The following ZSWIM3 variants were observed in gnomAD, a reference collection of about 807,000 sequenced individuals.
ZSWIM3 encodes the protein zinc finger SWIM domain-containing protein 3.
ZSWIM3 carries 27 observed loss-of-function variants against 47.5 expected under a neutral mutation model. The observed-to-expected ratio is 0.57, with a 90% CI of 0.42 to 0.78. The LOEUF (loss-of-function observed/expected upper bound fraction) is 0.78. Ranked by LOEUF, ZSWIM3 falls within the 30% of genes least tolerant of loss-of-function variation. ZSWIM3 has a pLI of 0.00. For missense variants in ZSWIM3, 689 were observed against 861.3 expected (o/e 0.80, Z 2.50); for synonymous variants, 333 against 333.9 (o/e 1.00, Z 0.03).
rs765560893 is a variant in ZSWIM3 at position 45,859,792 on chromosome 20, CAAAAAAA to C, written c.155+1830_155+1836del. Among the ~76,000 whole-genome samples the C allele has an allele frequency of 1.9e-4, 10 of 52,098 alleles. No homozygotes were observed. The East Asian group carries it at 2.0e-3, about 11-fold the overall frequency. The allele number at this position is 52,098 out of a possible 152,430, so 34.2% of individuals were successfully genotyped here. A position where few individuals can be genotyped will look rare whatever the true frequency, so the allele number is the denominator to read the frequency against. The stretch of plus-strand genomic sequence containing the variant: ...ACCTTGCTAAGCAATGAGAGGAATA[CAAAAAAA>C]AAAAAAAAAAAAAAAAACCACAGTT... On this transcript the variant is annotated intron_variant, in intron 1 of 1. Transcript: ENST00000255152.
chr20:45,877,520 G>C lies in ZSWIM3; in HGVS notation c.962G>C (p.Ser321Thr), dbSNP rs768897446. The C allele has an allele frequency of 6.2e-7, 1 of 1,614,182 alleles. No homozygotes were observed. The highest frequency in any genetic ancestry group is 8.5e-7 in the Non-Finnish European group (1 of 1,180,038). The change falls in exon 2 of 2, where the codon AGT (serine) becomes ACT (threonine). Residue 321 changes from serine to threonine, a missense_variant. By Grantham distance (58) the Ser-to-Thr change is moderately conservative. Transcript: ENST00000255152. ...TRLLEKKLHR[S>T]SANPSFKRLM... is the part of the protein sequence containing the mutation. ...CTCTTGGAGAAGAAGTTGCATCGTAGTTCAGCAAATCCATCCTTTAAAAGG... is the reference window on the plus strand; with the variant it reads ...CTCTTGGAGAAGAAGTTGCATCGTACTTCAGCAAATCCATCCTTTAAAAGG...
Position 45,877,398 on chromosome 20 carries a change from G to T in ZSWIM3, c.840G>T (p.Lys280Asn). The change falls in exon 2 of 2, where the codon AAG becomes AAT. Residue 280 changes from lysine (K) to asparagine (N), a missense_variant. Lys to Asn is a moderately conservative substitution (Grantham distance 94). Transcript: ENST00000255152. Reference sequence around the variant, plus strand: ...TCAACTCCGATTGGCCCAAGGTCAAGGTGGTCTTTGTGGACCCTTCATTCC... The same window carrying T: ...TCAACTCCGATTGGCCCAAGGTCAATGTGGTCTTTGTGGACCCTTCATTCC... Reference protein sequence around the residue: ...TEFNSDWPKVKVVFVDPSFHY... With the variant: ...TEFNSDWPKVNVVFVDPSFHY... 3.7e-6 allele frequency: 6 copies of T among 1,614,212 alleles called. No individual in the cohort carries two copies. The highest frequency in any genetic ancestry group is 5.1e-6 in the Non-Finnish European group (6 of 1,180,046).
In ZSWIM3 at chr20:45,878,866, A is replaced by T. The variant is rs1443092669; in HGVS notation, c.*217A>T. The stretch of plus-strand genomic sequence containing the variant: ...ACTTTTGGCATTCCTTGGGAGCCTC[A>T]GTTGTTGTTCAAGGCCAAAGTTATC... On this transcript the variant is annotated 3_prime_UTR_variant, in exon 2 of 2. Coordinates refer to ENST00000255152, the MANE Select transcript of ZSWIM3 (RefSeq NM_080752.4). The T allele has an allele frequency of 1.6e-6, 1 of 614,078 alleles. No individual in the cohort carries two copies. The highest frequency in any genetic ancestry group is 1.8e-5 in the African/African-American group (1 of 54,192). The allele number at this position is 614,078 out of a possible 1,614,324, so 38.0% of individuals were successfully genotyped here. A position where few individuals can be genotyped will look rare whatever the true frequency, so the allele number is the denominator to read the frequency against.
At position 45,857,764 on chromosome 20, in the gene ZSWIM3, C is replaced by A; in HGVS notation, c.-62C>A. On this transcript the variant is annotated 5_prime_UTR_variant, in exon 1 of 2. Coordinates refer to ENST00000255152, the MANE Select transcript of ZSWIM3 (RefSeq NM_080752.4). ...TAAACCCTCATAGTGTGACCTTTGACCCCTGGTGTGATCTTGGGCCCGGGC... is the reference window on the plus strand; with the variant it reads ...TAAACCCTCATAGTGTGACCTTTGAACCCTGGTGTGATCTTGGGCCCGGGC... 1.3e-6 allele frequency: 2 copies of A among 1,585,868 alleles called. No homozygotes were observed. The highest frequency in any genetic ancestry group is 1.7e-6 in the Non-Finnish European group (2 of 1,162,990).
intron 1 of ZSWIM3, among the ~76,000 whole-genome samples, chr20:45,876,109 C>A (rs1986085545): frequency 6.6e-6 from 1 of 151,802 alleles, no homozygotes; most frequent in Non-Finnish European, 1.5e-5. Flanking sequence ...ATGGCGCGAT[C>A]TCAGCTCACT....
In ZSWIM3 at chr20:45,877,167, C is replaced by T. The variant is rs767620026; in HGVS notation, c.609C>T (p.Leu203=). The T allele has an allele frequency of 3.7e-6, 6 of 1,614,162 alleles. No individual in the cohort carries two copies. The highest frequency in any genetic ancestry group is 1.6e-4 in the Middle Eastern group (1 of 6,062). ...GTGACAGCCAGCACCTGGACCGGCT[C>T]AGCTTCCAGAGCAGTAAGATGACCG... ...SVGDSQHLDR[L]SFQSSKMTDL... The change falls in exon 2 of 2, where the codon CTC becomes CTT. Residue 203 remains leucine (L), a synonymous_variant. Transcript: ENST00000255152.
Position 45,867,993 on chromosome 20 carries a change from A to G in ZSWIM3, c.156-8721A>G, listed in dbSNP as rs117673807. On this transcript the variant is annotated intron_variant, in intron 1 of 1. Coordinates refer to ENST00000255152, the MANE Select transcript of ZSWIM3 (RefSeq NM_080752.4). ...TATATAGAAAAGCAAAAGTCATCACACAAGAATCTTGCTAACAAACTACTT... is the reference window on the plus strand; with the variant it reads ...TATATAGAAAAGCAAAAGTCATCACGCAAGAATCTTGCTAACAAACTACTT... Among the ~76,000 whole-genome samples the G allele has an allele frequency of 7.0e-3, 1,062 of 152,336 alleles. 14 individuals carry two copies. The highest frequency in any genetic ancestry group is 0.011 in the Non-Finnish European group (723 of 68,042).
chr20:45,872,759 G>A, intron 1 of ZSWIM3: 1 of 1,289,378 alleles, frequency 7.8e-7, no homozygotes, highest in Non-Finnish European at 1.0e-6. Flanking sequence ...CTGTACTACT[G>A]GACTGCTCCA....
In ZSWIM3 at chr20:45,877,107, G is replaced by GGT. The variant is rs1568749604; in HGVS notation, c.550_551dup (p.Asp185Ter). 1.9e-6 allele frequency: 3 copies of GGT among 1,614,202 alleles called. No homozygotes were observed. In the Admixed American group the frequency reaches 5.0e-5, roughly 27 times the overall value. ...CAAAAGTGATGAAGAACTTTCTTAAGGTAGATGAGGGTTCCATGGCTTCCT... is the reference window on the plus strand; with the variant it reads ...CAAAAGTGATGAAGAACTTTCTTAAGGTGTAGATGAGGGTTCCATGGCTTCCT... On this transcript the variant is annotated frameshift_variant, in exon 2 of 2. Coordinates refer to ENST00000255152, the MANE Select transcript of ZSWIM3 (RefSeq NM_080752.4). LOFTEE classifies it high-confidence loss of function.
intron 1 of ZSWIM3, among the ~76,000 whole-genome samples, chr20:45,876,307 A>C (rs1986091114): frequency 6.6e-6 from 1 of 150,406 alleles, no homozygotes; most frequent in Non-Finnish European, 1.5e-5. Flanking sequence ...GGTCTCCCAA[A>C]GTGCTGGGAT....
At chr20:45,874,233 C>T (rs1265361109) in intron 1 of ZSWIM3, among the ~76,000 whole-genome samples, 2 of 152,108 alleles carry the variant, frequency 1.3e-5, no homozygotes, top group African/African-American at 2.4e-5. Context: ...AGAAAGAGGC[C>T]GAGGGCGGTG....
At chr20:45,861,517 T>C (rs1295507506) in intron 1 of ZSWIM3, among the ~76,000 whole-genome samples, 4 of 152,000 alleles carry the variant, frequency 2.6e-5, no homozygotes, top group Admixed American at 2.6e-4. Flanking sequence ...GAAGGATTTA[T>C]GCTGGAGCAG....
chr20:45,864,327 A>G (rs1208241430), intron 1 of ZSWIM3, among the ~76,000 whole-genome samples: 1 of 152,028 alleles, frequency 6.6e-6, no homozygotes, highest in East Asian at 1.9e-4. Context: ...ACATTCTTGG[A>G]TCATTTATTG....
Position 45,877,613 on chromosome 20 carries a change from A to C in ZSWIM3, c.1055A>C (p.Gln352Pro). The stretch of plus-strand genomic sequence containing the variant: ...GAAGCCAGCCTGAAAAATCTCTGCC[A>C]GATGTCCCAGGCCGTACTGGATGAG... ...TSEASLKNLC[Q>P]MSQAVLDEDL... Residue 352 changes from glutamine to proline, a missense_variant, in exon 2 of 2, where the codon CAG becomes CCG. Transcript: ENST00000255152. 2 of 1,614,186 alleles carry C rather than the reference A, an allele frequency of 1.2e-6. No individual in the cohort carries two copies. The highest frequency in any genetic ancestry group is 1.7e-6 in the Non-Finnish European group (2 of 1,180,032).
rs367699895 is a variant in ZSWIM3, at chr20:45,877,492, C to A, written c.934C>A (p.Arg312=). ...CCTCCTTTCCATCTACCACACAACCCGACTCTTGGAGAAGAAGTTGCATCG... is the reference window on the plus strand; with the variant it reads ...CCTCCTTTCCATCTACCACACAACCAGACTCTTGGAGAAGAAGTTGCATCG... ...RILLSIYHTT[R]LLEKKLHRSS... is the part of the protein sequence containing the mutation. The change falls in exon 2 of 2, where the codon CGA becomes AGA. Residue 312 remains arginine, a synonymous_variant. Transcript: ENST00000255152. 2 of 1,614,152 alleles carry A rather than the reference C, an allele frequency of 1.2e-6. No individual in the cohort carries two copies.
In ZSWIM3 at chr20:45,877,993, G is replaced by T. The variant is rs187154600; in HGVS notation, c.1435G>T (p.Val479Leu). 6.2e-7 allele frequency: 1 copy of T among 1,613,972 alleles called. No individual in the cohort carries two copies. The highest frequency in any genetic ancestry group is 1.3e-5 in the African/African-American group (1 of 75,030). The stretch of plus-strand genomic sequence containing the variant: ...AGAGACCAAGCCAGACGCACAGCAG[G>T]TACAGGTACAGCAGCAGTCACAAGT... ...AEETKPDAQQVQVQQQSQVPP... is the reference protein window; with the variant it reads ...AEETKPDAQQLQVQQQSQVPP... Residue 479 changes from valine (V) to leucine (L), a missense_variant, in exon 2 of 2, where the codon GTA becomes TTA. Val to Leu is a conservative substitution (Grantham distance 32). Coordinates refer to ENST00000255152, the MANE Select transcript of ZSWIM3 (RefSeq NM_080752.4).
chr20:45,876,673 G>T (rs1343230218), intron 1 of ZSWIM3, 41 bp from the exon 2 acceptor site: 2 of 1,576,254 alleles, frequency 1.3e-6, no homozygotes, highest in South Asian at 1.2e-5. Flanking sequence ...GGGGTGGGGG[G>T]TGGTCAGCAC....
At position 45,879,108 on chromosome 20, in the gene ZSWIM3, T is replaced by C. The variant is rs1986182912; in HGVS notation, c.*459T>C. On this transcript the variant is annotated 3_prime_UTR_variant, in exon 2 of 2. Coordinates refer to ENST00000255152, the MANE Select transcript of ZSWIM3 (RefSeq NM_080752.4). ...ACTTTTTATTCATATTAAAGTTGTT[T>C]TTAATAAAATTAAACAAGGGAAATG... The C allele has an allele frequency of 6.5e-6, 1 of 154,450 alleles. No homozygotes were observed. Among genetic ancestry groups the C allele is most frequent in the Admixed American group, 6.5e-5 (1 of 15,404 alleles). The allele number at this position is 154,450 out of a possible 1,614,324, so 9.6% of individuals were successfully genotyped here. A position where few individuals can be genotyped will look rare whatever the true frequency, so the allele number is the denominator to read the frequency against.
At chr20:45,868,405 G>GTA (rs1985893171) in intron 1 of ZSWIM3, among the ~76,000 whole-genome samples, 1 of 143,026 alleles carries the variant, frequency 7.0e-6, no homozygotes, top group Non-Finnish European at 1.5e-5. Context: ...AGGAAATGAA[G>GTA]TATAGTGTTT....
Sources: allele counts gnomAD v4.1 joint callset (sites outside exome capture counted in the v4.1 genomes callset), GRCh38; gene constraint gnomAD v4.1.1; transcripts MANE v1.5; gene names NCBI Gene and HGNC (gene_info 2026-07-23, HGNC 2026-07-21).